Variants in GMPR observed in about 807,000 individuals in gnomAD.
GMPR encodes GMP reductase 1.
In GMPR, 31 loss-of-function variants were observed where a neutral mutation model predicts 38.4. The ratio of observed to expected loss-of-function variants is 0.81; its 90% CI spans 0.61 to 1.09. The LOEUF (loss-of-function observed/expected upper bound fraction) is 1.09, where lower values mean the gene tolerates loss of function less well. GMPR is among the 50% of genes least tolerant of loss of function. The pLI is 0.00. For missense variants in GMPR, 468 were observed against 453.7 expected (o/e 1.03, Z -0.29); for synonymous variants, 162 against 173.3 (o/e 0.93, Z 0.51).
intron 7 of GMPR, among the ~76,000 whole-genome samples, chr6:16,289,236 ATAGAGCTGT>A (rs1228970095): frequency 6.6e-6 from 1 of 152,184 alleles, no homozygotes; most frequent in Non-Finnish European, 1.5e-5. Flanking sequence ...GCGCCACCTT[ATAGAGCTGT>A]TACACTCACA....
rs1393353910 is a variant in GMPR, at chr6:16,274,495, A to G, written c.546A>G (p.Pro182=). 2 of 1,577,704 alleles carry G rather than the reference A, an allele frequency of 1.3e-6. No individual in the cohort carries two copies. The highest frequency in any genetic ancestry group is 1.3e-5 in the African/African-American group (1 of 74,360). The change falls in exon 5 of 9, where the codon CCA becomes CCG. Residue 182 remains proline, a splice_region_variant and synonymous_variant. Coordinates refer to ENST00000259727, the MANE Select transcript of GMPR (RefSeq NM_006877.4). ...GADIIKVGVG[P]GSVCTTRTKT... Reference sequence around the variant, plus strand: ...ATATCATCAAAGTGGGAGTTGGACCAGGTAAGACTTGTTAGGAGCACAGCA... The same window carrying G: ...ATATCATCAAAGTGGGAGTTGGACCGGGTAAGACTTGTTAGGAGCACAGCA...
At chr6:16,266,151 ACAC>A (rs1193921260) in intron 4 of GMPR, among the ~76,000 whole-genome samples, 14 of 120,838 alleles carry the variant, frequency 1.2e-4, no homozygotes, top group African/African-American at 3.3e-4. Flanking sequence ...AAGAGCTGTA[ACAC>A]TTGCCATCTT....
chr6:16,241,095 A>C (rs1160159901), intron 1 of GMPR, among the ~76,000 whole-genome samples: 2 of 152,148 alleles, frequency 1.3e-5, no homozygotes, highest in Non-Finnish European at 2.9e-5. Flanking sequence ...TTGCACAATC[A>C]GAAGCTTAAA....
intron 4 of GMPR, among the ~76,000 whole-genome samples, chr6:16,260,652 G>A (rs990640337): frequency 1.3e-5 from 2 of 152,020 alleles, no homozygotes; most frequent in Non-Finnish European, 1.5e-5. Flanking sequence ...GAAAGAAAAT[G>A]AGAGGTTCTA....
chr6:16,271,400 C>T (rs1414864336), intron 4 of GMPR, among the ~76,000 whole-genome samples: 4 of 152,198 alleles, frequency 2.6e-5, no homozygotes, highest in South Asian at 4.1e-4. Flanking sequence ...GCAGGAGAAT[C>T]GCTTGAGCCT....
chr6:16,259,100 C>G (rs1036067857), intron 4 of GMPR: 1 of 151,956 alleles, frequency 6.6e-6, no homozygotes, highest in Admixed American at 6.6e-5. Flanking sequence ...CGGGCTGAGT[C>G]CGAAAAGAGA....
Position 16,251,297 on chromosome 6 carries a change from G to A in GMPR, c.291+930G>A, listed in dbSNP as rs191090094. On this transcript the variant is annotated intron_variant, in intron 3 of 8. Coordinates refer to ENST00000259727, the MANE Select transcript of GMPR (RefSeq NM_006877.4). ...GTGAAAAAGCCAGACGCAGCCCGGCGCGGTGGCTCACGCCTGTAATCCCAG... is the reference window on the plus strand; with the variant it reads ...GTGAAAAAGCCAGACGCAGCCCGGCACGGTGGCTCACGCCTGTAATCCCAG... Among the ~76,000 whole-genome samples the A allele has an allele frequency of 5.4e-4, 82 of 152,242 alleles. 1 individual carries two copies. Among genetic ancestry groups the A allele is most frequent in the African/African-American group, 1.7e-3 (71 of 41,560 alleles).
At chr6:16,288,095 A>T (rs1229180225) in intron 7 of GMPR, among the ~76,000 whole-genome samples, 2 of 152,218 alleles carry the variant, frequency 1.3e-5, no homozygotes, top group Non-Finnish European at 2.9e-5. Flanking sequence ...GAGAGGTGAC[A>T]GCCCTCACAG....
intron 5 of GMPR, among the ~76,000 whole-genome samples, chr6:16,275,308 A>G (rs1307709678): frequency 6.6e-6 from 1 of 152,202 alleles, no homozygotes; most frequent in African/African-American, 2.4e-5. Flanking sequence ...TGACACTACC[A>G]AAAAAGGAAG....
intron 4 of GMPR, among the ~76,000 whole-genome samples, chr6:16,266,817 T>C (rs1207436054): frequency 6.6e-6 from 1 of 151,682 alleles, no homozygotes; most frequent in Non-Finnish European, 1.5e-5. Context: ...AAAAGAGCTG[T>C]AACACTCACT....
chr6:16,262,831 C>T (rs369440395), intron 4 of GMPR: 2 of 151,860 alleles, frequency 1.3e-5, no homozygotes, highest in Admixed American at 6.6e-5. Flanking sequence ...AAACGCTATC[C>T]GATTTGGGAT....
chr6:16,288,811 A>T (rs1759755221), intron 7 of GMPR, among the ~76,000 whole-genome samples: 1 of 152,218 alleles, frequency 6.6e-6, no homozygotes, highest in African/African-American at 2.4e-5. Flanking sequence ...AGGTTTGTAA[A>T]CACACCAACC....
chr6:16,287,502 G>C (rs1759710568), intron 7 of GMPR, among the ~76,000 whole-genome samples: 1 of 152,208 alleles, frequency 6.6e-6, no homozygotes, highest in South Asian at 2.1e-4. Context: ...CCTGTGCCGA[G>C]ACTCAGTGGA....
intron 4 of GMPR, among the ~76,000 whole-genome samples, chr6:16,263,977 A>C (rs2113682548): frequency 6.6e-6 from 1 of 151,518 alleles, no homozygotes; most frequent in Admixed American, 6.7e-5. Flanking sequence ...CGGAGAAGGG[A>C]TAGAGACACG....
intron 4 of GMPR, among the ~76,000 whole-genome samples, chr6:16,255,357 G>A (rs776209621): frequency 1.3e-5 from 2 of 152,090 alleles, no homozygotes; most frequent in Non-Finnish European, 2.9e-5. Flanking sequence ...TCTTAACAGA[G>A]AGTGTATTTT....
At chr6:16,266,763 C>T (rs995301055) in intron 4 of GMPR, among the ~76,000 whole-genome samples, 2 of 151,188 alleles carry the variant, frequency 1.3e-5, no homozygotes, top group African/African-American at 2.4e-5. Context: ...GGCACTCCGG[C>T]CTAGGTGAGA....
chr6:16,253,679 C>T (rs1758918055), intron 3 of GMPR, among the ~76,000 whole-genome samples: 1 of 152,180 alleles, frequency 6.6e-6, no homozygotes, highest in African/African-American at 2.4e-5. Flanking sequence ...ATGTCACATG[C>T]TGCACTATTA....
intron 3 of GMPR, 106 bp from the exon 4 acceptor site, chr6:16,254,456 C>G (rs532692152): frequency 9.8e-6 from 9 of 914,902 alleles, no homozygotes; most frequent in African/African-American, 1.6e-5. Context: ...TAGGGTAGAC[C>G]GAAAAGGGTT....
At chr6:16,269,333 C>T (rs1337530453) in intron 4 of GMPR, among the ~76,000 whole-genome samples, 2 of 152,162 alleles carry the variant, frequency 1.3e-5, no homozygotes, top group Non-Finnish European at 2.9e-5. Context: ...AGCATTCGAC[C>T]CCAGATCTTT....
Sources: gnomAD v4.1 joint callset for allele counts (sites outside exome capture counted in the v4.1 genomes callset) on GRCh38, gnomAD v4.1.1 for gene constraint, MANE v1.5 for transcripts, NCBI Gene and HGNC (gene_info 2026-07-23, HGNC 2026-07-21) for gene names.